The following DLGAP4 variants were observed in gnomAD, a reference collection of about 807,000 sequenced individuals.
DLGAP4 encodes disks large-associated protein 4.
In DLGAP4, 18 loss-of-function variants were observed where a neutral mutation model predicts 86.9. The ratio of observed to expected loss-of-function variants is 0.21; its 90% CI spans 0.14 to 0.31. DLGAP4 has a LOEUF of 0.31. Among genes scored for constraint, DLGAP4 ranks in the 10% least tolerant of loss-of-function variants. The pLI, the probability that DLGAP4 is intolerant of heterozygous loss-of-function variation, is 1.00. For synonymous variants in DLGAP4, 548 were observed against 574.3 expected (o/e 0.95, Z 0.65); for missense variants, 1,085 against 1,362.6 (o/e 0.80, Z 3.21).
chr20:36,375,987 A>G (rs1441716386), intron 2 of DLGAP4, among the ~76,000 whole-genome samples: 1 of 152,026 alleles, frequency 6.6e-6, no homozygotes, highest in Non-Finnish European at 1.5e-5. Flanking sequence ...TAGGCGACAG[A>G]GCAACACCCT....
chr20:36,333,666 C>T (rs1229262805), intron 1 of DLGAP4, among the ~76,000 whole-genome samples: 1 of 152,182 alleles, frequency 6.6e-6, no homozygotes, highest in African/African-American at 2.4e-5. Context: ...ACCACTCTGC[C>T]CTTCTGCCCT....
intron 1 of DLGAP4, among the ~76,000 whole-genome samples, chr20:36,362,328 G>A (rs1449859404): frequency 6.6e-6 from 1 of 152,192 alleles, no homozygotes; most frequent in East Asian, 1.9e-4. Context: ...TGAAAGAGGA[G>A]AAGGAAGAAG....
In DLGAP4 at chr20:36,503,790, C is replaced by T. The variant is rs181774245; in HGVS notation, c.2512+3179C>T. On this transcript the variant is annotated intron_variant, in intron 10 of 12. Transcript: ENST00000339266. ...GATTACAGGCGTGAGCCACTGCACC[C>T]GGCCCCATATTTGGCCTTTTGTGTC... Among the ~76,000 whole-genome samples, 403 of 152,276 alleles carry T rather than the reference C, an allele frequency of 2.6e-3. 1 individual carries two copies. The highest frequency in any genetic ancestry group is 6.8e-3 in the Middle Eastern group (2 of 294).
rs573618453 is a variant in DLGAP4, at chr20:36,500,127, C to T, written c.2100-72C>T. 4.4e-5 allele frequency: 64 copies of T among 1,464,026 alleles called. No individual in the cohort carries two copies. The South Asian group carries it at 7.2e-4, about 16-fold the overall frequency. 90.7% of individuals were successfully genotyped at this position (1,464,026 alleles called of 1,614,324 possible). On this transcript the variant is annotated intron_variant, in intron 9 of 12. Transcript: ENST00000339266. The surrounding 1 kb of genome is among the most constrained non-coding windows in gnomAD (Gnocchi z 4.6). ...TGTCTCCCGTGTGTCCGGGTCAAGGCGGCCTCTGGTCTCTGGCCCTCTTGG... is the reference window on the plus strand; with the variant it reads ...TGTCTCCCGTGTGTCCGGGTCAAGGTGGCCTCTGGTCTCTGGCCCTCTTGG...
At position 36,365,484 on chromosome 20, in the gene DLGAP4, C is replaced by A. The variant is rs191693313; in HGVS notation, c.-303-1561C>A. 2.3e-3 allele frequency among the ~76,000 whole-genome samples: 351 copies of A among 152,236 alleles called. 2 individuals carry two copies. The highest frequency in any genetic ancestry group is 5.3e-3 in the Admixed American group (81 of 15,288). ...TAACACTTTTATTCAGGTGGCTATG[C>A]CTGTTTTTCTTGGTTTGGTGATGTT... is the stretch of plus-strand genomic sequence containing the variant. On this transcript the variant is annotated intron_variant, in intron 1 of 12. Transcript: ENST00000339266.
At chr20:36,344,681 C>T (rs914567288) in intron 1 of DLGAP4, among the ~76,000 whole-genome samples, 1 of 152,220 alleles carries the variant, frequency 6.6e-6, no homozygotes. Flanking sequence ...GGAACCTGGT[C>T]TTGGGAGCCT....
intron 2 of DLGAP4, among the ~76,000 whole-genome samples, chr20:36,428,724 T>A (rs555343005): frequency 6.6e-6 from 1 of 152,386 alleles, no homozygotes; most frequent in African/African-American, 2.4e-5. Context: ...GGCTTTGTGC[T>A]GTCTGGTTCC....
At chr20:36,461,677 GGCC>G in intron 7 of DLGAP4, 2 of 49,068 alleles carry the variant, frequency 4.1e-5, no homozygotes, top group Non-Finnish European at 5.5e-5. Flanking sequence ...GGCCCGGCCC[GGCC>G]CTGCCCCGCC....
At chr20:36,345,946 A>C (rs1424939195) in intron 1 of DLGAP4, among the ~76,000 whole-genome samples, 6 of 152,064 alleles carry the variant, frequency 3.9e-5, no homozygotes, top group African/African-American at 1.4e-4. Context: ...TTGTAGAGAC[A>C]GGGTCTTGCT....
chr20:36,489,646 A>C (rs2035571089), intron 7 of DLGAP4, among the ~76,000 whole-genome samples: 1 of 151,890 alleles, frequency 6.6e-6, no homozygotes, highest in Non-Finnish European at 1.5e-5. Context: ...GGGGTGGAAG[A>C]GGGACAAGAG....
intron 1 of DLGAP4, among the ~76,000 whole-genome samples, chr20:36,321,599 T>A (rs1218706412): frequency 6.6e-6 from 1 of 152,270 alleles, no homozygotes; most frequent in Non-Finnish European, 1.5e-5. Context: ...GCGTTTCATC[T>A]GCGCCCGAGT....
rs1459652987 is a variant in DLGAP4 at position 36,446,793 on chromosome 20, C to G, written c.1504C>G (p.Leu502Val). 1 of 1,612,768 alleles carries G rather than the reference C, an allele frequency of 6.2e-7. No individual in the cohort carries two copies. Among genetic ancestry groups the G allele is most frequent in the East Asian group, 2.2e-5 (1 of 44,854 alleles). ...STAAETLDLP[L>V]PSYFRSRSHS... ...AGCGGCAGAGACGCTTGACTTGCCACTGCCCAGCTACTTCCGCTCCCGCAG... is the reference window on the plus strand; with the variant it reads ...AGCGGCAGAGACGCTTGACTTGCCAGTGCCCAGCTACTTCCGCTCCCGCAG... Residue 502 changes from leucine to valine, a missense_variant, in exon 7 of 13, where the codon CTG becomes GTG. By Grantham distance (32) the Leu-to-Val change is conservative (BLOSUM62 1). Coordinates refer to ENST00000339266, the MANE Select transcript of DLGAP4 (RefSeq NM_001365621.2).
chr20:36,392,883 G>C (rs994537332), intron 2 of DLGAP4, among the ~76,000 whole-genome samples: 1 of 152,166 alleles, frequency 6.6e-6, no homozygotes, highest in Non-Finnish European at 1.5e-5. Context: ...GGAAGGGGGT[G>C]AGAGAGGTGT....
chr20:36,494,988 T>TG (rs2035824559), intron 7 of DLGAP4, among the ~76,000 whole-genome samples: 2 of 132,870 alleles, frequency 1.5e-5, no homozygotes, highest in African/African-American at 3.0e-5. Context: ...TGTTCGGTTT[T>TG]TTTTTTTTTT....
intron 1 of DLGAP4, among the ~76,000 whole-genome samples, chr20:36,321,204 T>C (rs1170090445): frequency 6.6e-6 from 1 of 151,840 alleles, no homozygotes; most frequent in Non-Finnish European, 1.5e-5. Flanking sequence ...GTTGGTTAAG[T>C]GAGAGTGAGC....
At chr20:36,343,630 A>AC (rs1569464204) in intron 1 of DLGAP4, among the ~76,000 whole-genome samples, 1 of 151,504 alleles carries the variant, frequency 6.6e-6, no homozygotes, top group African/African-American at 2.4e-5. Context: ...CCCCCCCCCA[A>AC]CCCCCCGTTG....
chr20:36,321,760 G>C (rs1283132980), intron 1 of DLGAP4, among the ~76,000 whole-genome samples: 1 of 152,198 alleles, frequency 6.6e-6, no homozygotes, highest in Non-Finnish European at 1.5e-5. Context: ...GGGAAATGCT[G>C]AGGGCTTGGA....
At position 36,442,786 on chromosome 20, in the gene DLGAP4, G is replaced by A. The variant is rs908957462; in HGVS notation, c.1407+9G>A. The A allele has an allele frequency of 6.2e-7, 1 of 1,614,068 alleles. No individual in the cohort carries two copies. Among genetic ancestry groups the A allele is most frequent in the African/African-American group, 1.3e-5 (1 of 74,926 alleles). On this transcript the variant is annotated intron_variant, in intron 6 of 12. Transcript: ENST00000339266. ...TTGGCCATGAGCAGCAGGTCAGTAT[G>A]TTTGCCCTTCTCTTCCACCCCAATC...
At chr20:36,434,611 A>C (rs1163679791) in intron 3 of DLGAP4, among the ~76,000 whole-genome samples, 1 of 152,168 alleles carries the variant, frequency 6.6e-6, no homozygotes, top group Non-Finnish European at 1.5e-5. Context: ...AGTGATGTAC[A>C]AGGCCATGTT....
Sources: allele counts gnomAD v4.1 joint callset (sites outside exome capture counted in the v4.1 genomes callset), GRCh38; gene constraint gnomAD v4.1.1; non-coding constraint Gnocchi (gnomAD v3.1); transcripts MANE v1.5; gene names NCBI Gene and HGNC (gene_info 2026-07-23, HGNC 2026-07-21).